DLGAP1: variants seen among roughly 807,000 people sequenced by gnomAD.
DLGAP1 encodes the protein disks large-associated protein 1.
DLGAP1 carries 11 observed loss-of-function variants against 90.8 expected under a neutral mutation model. The observed-to-expected ratio is 0.12, with a 90% CI of 0.08 to 0.20. DLGAP1 has a LOEUF of 0.20. DLGAP1 is among the 10% of genes least tolerant of loss of function. DLGAP1 has a pLI of 1.00. For synonymous variants in DLGAP1, 558 were observed against 540.7 expected, an observed-to-expected ratio of 1.03 and a Z score of -0.44; for missense variants, 1,050 against 1,333.8, an observed-to-expected ratio of 0.79 and a Z score of 3.31.
rs1031683773 is a variant in DLGAP1, at chr18:3,850,443, TA to T, written c.957+28668del. Among the ~76,000 whole-genome samples, 87 of 152,042 alleles carry T rather than the reference TA, an allele frequency of 5.7e-4. 1 individual carries two copies. The highest frequency in any genetic ancestry group is 2.0e-3 in the African/African-American group (84 of 41,372). On this transcript the variant is annotated intron_variant, in intron 4 of 12. Transcript: ENST00000315677. ...CGATTTAAAATATTATAAGATCCAT[TA>T]GATGAATGATTTAATTTTCCCAATG...
intron 7 of DLGAP1, among the ~76,000 whole-genome samples, chr18:3,634,166 G>C (rs1037717265): frequency 2.6e-5 from 4 of 152,026 alleles, no homozygotes; most frequent in African/African-American, 9.7e-5. Context: ...AATGCGGCTG[G>C]ATGAGTATTA....
intron 2 of DLGAP1, among the ~76,000 whole-genome samples, chr18:4,124,465 C>A (rs965846246): frequency 3.3e-5 from 5 of 152,226 alleles, no homozygotes; most frequent in Admixed American, 2.0e-4. Flanking sequence ...AGTTTGGGCT[C>A]AGAATCTAGA....
chr18:4,292,012 G>A (rs370311227), intron 1 of DLGAP1, among the ~76,000 whole-genome samples: 7 of 152,206 alleles, frequency 4.6e-5, no homozygotes, highest in South Asian at 2.1e-4. Flanking sequence ...CATACACACC[G>A]TGAATCAGTA....
chr18:3,836,925 A>G (rs1032839376), intron 4 of DLGAP1, among the ~76,000 whole-genome samples: 1 of 152,216 alleles, frequency 6.6e-6, no homozygotes. Context: ...TGTAAAAGTG[A>G]TAAATACAAA....
At chr18:3,917,498 C>G (rs9963999) in intron 3 of DLGAP1, among the ~76,000 whole-genome samples, 35,461 of 152,014 alleles carry the variant, frequency 0.23, 5,675 homozygotes, top group African/African-American at 0.46. Context: ...GAGTCAGCTA[C>G]AATATTACTG....
At chr18:4,096,426 C>G (rs2075680421) in intron 2 of DLGAP1, among the ~76,000 whole-genome samples, 1 of 152,160 alleles carries the variant, frequency 6.6e-6, no homozygotes, top group African/African-American at 2.4e-5. Flanking sequence ...TGTAAACCCA[C>G]CATATTTTAT....
chr18:3,716,687 T>C (rs2061772767), intron 7 of DLGAP1, among the ~76,000 whole-genome samples: 1 of 152,168 alleles, frequency 6.6e-6, no homozygotes, highest in African/African-American at 2.4e-5. Context: ...GTATTTTTTT[T>C]TTCCTGAGCA....
chr18:4,260,369 A>G (rs993627379), intron 1 of DLGAP1, among the ~76,000 whole-genome samples: 3 of 152,134 alleles, frequency 2.0e-5, no homozygotes, highest in African/African-American at 7.2e-5. Context: ...GAAAGTCCCA[A>G]CCTGCGGAAG....
At chr18:4,273,361 G>C (rs1423552195) in intron 1 of DLGAP1, among the ~76,000 whole-genome samples, 1 of 152,138 alleles carries the variant, frequency 6.6e-6, no homozygotes, top group Non-Finnish European at 1.5e-5. Context: ...GGTCTTGGCT[G>C]AACCAAGAAA....
At chr18:3,772,061 ACT>A (rs1401307906) in intron 5 of DLGAP1, among the ~76,000 whole-genome samples, 3 of 151,846 alleles carry the variant, frequency 2.0e-5, no homozygotes, top group Non-Finnish European at 4.4e-5. Flanking sequence ...ACAACCATAG[ACT>A]CTGATGGTAA....
chr18:4,246,293 C>T (rs1282265184), intron 1 of DLGAP1, among the ~76,000 whole-genome samples: 2 of 152,002 alleles, frequency 1.3e-5, no homozygotes, highest in African/African-American at 4.8e-5. Flanking sequence ...AAAAAATAGC[C>T]ATGGCAGATG....
intron 2 of DLGAP1, among the ~76,000 whole-genome samples, chr18:4,061,990 T>C (rs909783027): frequency 1.3e-5 from 2 of 152,176 alleles, no homozygotes; most frequent in African/African-American, 2.4e-5. Context: ...AAAGAACTTC[T>C]ATCACTCTTT....
At chr18:3,968,545 C>A (rs2073376840) in intron 3 of DLGAP1, among the ~76,000 whole-genome samples, 2 of 152,156 alleles carry the variant, frequency 1.3e-5, no homozygotes, top group African/African-American at 4.8e-5. Flanking sequence ...AACAGACCAT[C>A]ACGGAAGTTT....
chr18:3,611,213 G>C (rs111250167), intron 7 of DLGAP1, among the ~76,000 whole-genome samples: 2 of 151,918 alleles, frequency 1.3e-5, no homozygotes, highest in African/African-American at 4.8e-5. Flanking sequence ...AAGGCTTCAG[G>C]GGGAAAATGT....
At chr18:3,980,835 T>A (rs2073712203) in intron 3 of DLGAP1, among the ~76,000 whole-genome samples, 1 of 152,244 alleles carries the variant, frequency 6.6e-6, no homozygotes, top group South Asian at 2.1e-4. Flanking sequence ...TATACATATA[T>A]CAAGCTAATT....
chr18:3,506,877 G>T (rs991628288), intron 11 of DLGAP1, among the ~76,000 whole-genome samples: 1 of 152,098 alleles, frequency 6.6e-6, no homozygotes. Flanking sequence ...GCTGAAGCTT[G>T]ATAGAATACT....
At chr18:4,136,542 TAAG>T (rs1347710089) in intron 2 of DLGAP1, among the ~76,000 whole-genome samples, 1 of 152,252 alleles carries the variant, frequency 6.6e-6, no homozygotes, top group African/African-American at 2.4e-5. Flanking sequence ...TGTCTTGTTT[TAAG>T]AAGTGTCTAT....
chr18:3,530,325 T>C (rs2051909623), intron 10 of DLGAP1, among the ~76,000 whole-genome samples: 1 of 152,078 alleles, frequency 6.6e-6, no homozygotes, highest in African/African-American at 2.4e-5. Context: ...GAGGATCACT[T>C]GGGCCCAGGA....
At chr18:4,417,791 G>T (rs1403263281) in intron 1 of DLGAP1, among the ~76,000 whole-genome samples, 1 of 152,122 alleles carries the variant, frequency 6.6e-6, no homozygotes, top group African/African-American at 2.4e-5. Flanking sequence ...GATGGGAAGG[G>T]GCAGGAGAAC....
Sources: gnomAD v4.1 joint callset for allele counts (sites outside exome capture counted in the v4.1 genomes callset) on GRCh38, gnomAD v4.1.1 for gene constraint, MANE v1.5 for transcripts, NCBI Gene and HGNC (gene_info 2026-07-23, HGNC 2026-07-21) for gene names.